The following BMP6 variants were observed in gnomAD, a reference collection of about 807,000 sequenced individuals.
The protein encoded by BMP6 is VG-1-R.
A neutral mutation model predicts 54.1 loss-of-function variants in BMP6; 17 were observed. That is an observed-to-expected ratio of 0.31 (90% CI 0.22 to 0.47). The LOEUF (loss-of-function observed/expected upper bound fraction) is 0.47. BMP6 is among the 20% of genes least tolerant of loss of function. The probability of loss-of-function intolerance (pLI) is 1.00; values close to 1 mark genes in which losing one functional copy is unlikely to be tolerated. For missense variants in BMP6, 720 were observed against 690.4 expected (o/e 1.04, Z -0.48); for synonymous variants, 328 against 291.2 (o/e 1.13, Z -1.28).
intron 1 of BMP6, among the ~76,000 whole-genome samples, chr6:7,728,044 C>T (rs1446040516): frequency 2.6e-5 from 4 of 152,154 alleles, no homozygotes; most frequent in African/African-American, 7.2e-5. Flanking sequence ...CCCCTCTAAA[C>T]TGCCGCCTTT....
intron 1 of BMP6, among the ~76,000 whole-genome samples, chr6:7,775,948 A>G (rs1482913903): frequency 1.3e-5 from 2 of 152,242 alleles, no homozygotes; most frequent in African/African-American, 4.8e-5. Flanking sequence ...TTCTACTTAC[A>G]TTAGAATGAA....
intron 4 of BMP6, among the ~76,000 whole-genome samples, chr6:7,865,652 G>A (rs1759409876): frequency 6.6e-6 from 1 of 152,188 alleles, no homozygotes; most frequent in Admixed American, 6.5e-5. Context: ...GCCAGATGTT[G>A]CTGGGCCTTC....
intron 1 of BMP6, among the ~76,000 whole-genome samples, chr6:7,765,559 T>G (rs1004401024): frequency 2.0e-5 from 3 of 152,234 alleles, no homozygotes; most frequent in African/African-American, 4.8e-5. Context: ...GTCAGCAGCA[T>G]CATCTCCCAG....
chr6:7,814,835 G>A lies in BMP6; in HGVS notation c.665-30305G>A, dbSNP rs115040982. Among the ~76,000 whole-genome samples, 1,264 of 152,258 alleles carry A rather than the reference G, an allele frequency of 8.3e-3. 23 individuals carry two copies. The highest frequency in any genetic ancestry group is 0.029 in the African/African-American group (1,222 of 41,538). ...GGGCCTGTCGGGGTGAGGCAGGGGAGGGGGAGAGCATTAGGACAAATACCT... is the reference window on the plus strand; with the variant it reads ...GGGCCTGTCGGGGTGAGGCAGGGGAAGGGGAGAGCATTAGGACAAATACCT... On this transcript the variant is annotated intron_variant, in intron 1 of 6. Transcript: ENST00000283147.
At chr6:7,809,671 C>T (rs898572000) in intron 1 of BMP6, among the ~76,000 whole-genome samples, 2 of 152,186 alleles carry the variant, frequency 1.3e-5, no homozygotes, top group Non-Finnish European at 2.9e-5. Context: ...CTTCAGACTC[C>T]GTAAAATAGG....
At chr6:7,793,719 C>T (rs1758147147) in intron 1 of BMP6, among the ~76,000 whole-genome samples, 6 of 152,180 alleles carry the variant, frequency 3.9e-5, no homozygotes. Flanking sequence ...AAAACAAAGT[C>T]TTATTAGTCC....
intron 2 of BMP6, among the ~76,000 whole-genome samples, chr6:7,860,931 G>A (rs552840355): frequency 6.6e-6 from 1 of 151,828 alleles, no homozygotes; most frequent in Non-Finnish European, 1.5e-5. Flanking sequence ...CCTGTTTCTC[G>A]CTGTCTCCTA....
At chr6:7,858,775 C>T (rs901569315) in intron 2 of BMP6, among the ~76,000 whole-genome samples, 1 of 150,472 alleles carries the variant, frequency 6.6e-6, no homozygotes, top group Non-Finnish European at 1.5e-5. Context: ...TGCTCTGCCT[C>T]ACTTCCCTTC....
At chr6:7,850,526 A>G (rs1418286021) in intron 2 of BMP6, among the ~76,000 whole-genome samples, 1 of 152,188 alleles carries the variant, frequency 6.6e-6, no homozygotes, top group African/African-American at 2.4e-5. Context: ...AGACTGAACT[A>G]TTGCTTTAAT....
At position 7,747,580 on chromosome 6, in the gene BMP6, C is replaced by T. The variant is rs907858399; in HGVS notation, c.664+19961C>T. ...TGAATGAGCAAGGAAACATATCCTC[C>T]CTCTTCCCTCCAGATAGGAGCACAG... On this transcript the variant is annotated intron_variant, in intron 1 of 6. Coordinates refer to ENST00000283147, the MANE Select transcript of BMP6 (RefSeq NM_001718.6). 6.2e-4 allele frequency among the ~76,000 whole-genome samples: 95 copies of T among 152,180 alleles called. 1 individual carries two copies. Among genetic ancestry groups the T allele is most frequent in the African/African-American group, 1.2e-4 (5 of 41,438 alleles).
intron 1 of BMP6, among the ~76,000 whole-genome samples, chr6:7,821,874 A>T (rs1758616227): frequency 6.6e-6 from 1 of 152,178 alleles, no homozygotes; most frequent in African/African-American, 2.4e-5. Context: ...ATACAGAGGG[A>T]CTTTGGCTGT....
chr6:7,856,627 C>A (rs1169494027), intron 2 of BMP6, among the ~76,000 whole-genome samples: 2 of 52,158 alleles, frequency 3.8e-5, no homozygotes, highest in Admixed American at 2.3e-4. Flanking sequence ...GACGGAGTCT[C>A]GCTCTGTCGC....
At chr6:7,841,122 A>AGAAATGTTATTATTTCAATTTACCT (rs1186119098) in intron 1 of BMP6, among the ~76,000 whole-genome samples, 2 of 152,224 alleles carry the variant, frequency 1.3e-5, no homozygotes, top group Admixed American at 1.3e-4. Context: ...CCTAATCTTT[A>AGAAATGTTATTATTTCAATTTACCT]GAAATGTTAT....
At chr6:7,870,954 C>T (rs1759514968) in intron 4 of BMP6, among the ~76,000 whole-genome samples, 1 of 152,196 alleles carries the variant, frequency 6.6e-6, no homozygotes, top group Non-Finnish European at 1.5e-5. Context: ...GAGTTCATCT[C>T]CATCCCCGAA....
At chr6:7,777,192 G>C (rs1581243243) in intron 1 of BMP6, among the ~76,000 whole-genome samples, 2 of 152,184 alleles carry the variant, frequency 1.3e-5, no homozygotes, top group East Asian at 3.9e-4. Context: ...TTCTGGATCT[G>C]TGCATGTGGT....
intron 1 of BMP6, among the ~76,000 whole-genome samples, chr6:7,810,465 TTG>T (rs1313692249): frequency 6.6e-6 from 1 of 152,182 alleles, no homozygotes; most frequent in Non-Finnish European, 1.5e-5. Context: ...CGGTCTTTTC[TTG>T]TGTTTCCCTC....
chr6:7,737,960 A>G (rs545096206), intron 1 of BMP6, among the ~76,000 whole-genome samples: 1 of 149,148 alleles, frequency 6.7e-6, no homozygotes, highest in Non-Finnish European at 1.5e-5. Flanking sequence ...TTTTTGTAAT[A>G]TTTTCTTCTT....
Position 7,878,393 on chromosome 6 carries a change from A to G in BMP6, c.1205-681A>G, listed in dbSNP as rs188702292. On this transcript the variant is annotated intron_variant, in intron 4 of 6. Transcript: ENST00000283147. ...AGTGCTCTTGCTGGTGATTCAGTTA[A>G]GCCAGGCTAGTGGCCCCTGTGCTGC... Among the ~76,000 whole-genome samples the G allele has an allele frequency of 1.8e-3, 277 of 152,286 alleles. 3 individuals carry two copies. The highest frequency in any genetic ancestry group is 6.5e-3 in the African/African-American group (269 of 41,580).
chr6:7,840,356 C>A (rs1758949787), intron 1 of BMP6, among the ~76,000 whole-genome samples: 1 of 152,174 alleles, frequency 6.6e-6, no homozygotes, highest in Admixed American at 6.5e-5. Context: ...ATACAACAGT[C>A]TCAGTCACTT....
Sources: gnomAD v4.1 joint callset for allele counts (sites outside exome capture counted in the v4.1 genomes callset) on GRCh38, gnomAD v4.1.1 for gene constraint, MANE v1.5 for transcripts, NCBI Gene and HGNC (gene_info 2026-07-23, HGNC 2026-07-21) for gene names.